Variants in PARG observed in about 807,000 individuals in gnomAD.
PARG encodes the protein poly(ADP-ribose) glycohydrolase.
Under a neutral mutation model 113.0 loss-of-function variants are expected in PARG, and 35 were observed. The observed-to-expected ratio is 0.31, with a 90% CI of 0.24 to 0.41. PARG has a LOEUF of 0.41. Ranked by LOEUF, PARG falls within the 10% of genes least tolerant of loss-of-function variation. PARG has a pLI of 1.00. For missense variants in PARG, 797 were observed against 1,169.4 expected (o/e 0.68, Z 4.64); for synonymous variants, 330 against 409.9 (o/e 0.81, Z 2.36).
At chr10:49,822,402 A>G (rs1298712312) in intron 16 of PARG, among the ~76,000 whole-genome samples, 1 of 152,192 alleles carries the variant, frequency 6.6e-6, no homozygotes, top group East Asian at 1.9e-4. Flanking sequence ...GCTTAATGCT[A>G]TAGTTTGGAC....
chr10:49,869,621 C>A, intron 9 of PARG, 66 bp from the exon 10 acceptor site: 1 of 682,454 alleles, frequency 1.5e-6, no homozygotes, highest in Non-Finnish European at 2.7e-6. Context: ...CACAAAACTA[C>A]ATCCATATTG....
chr10:49,902,704 A>G (rs1446812030), intron 7 of PARG, among the ~76,000 whole-genome samples: 2 of 152,172 alleles, frequency 1.3e-5, no homozygotes, highest in Non-Finnish European at 2.9e-5. Context: ...CACAACAACT[A>G]TAAAGCCTGG....
chr10:49,878,574 C>T (rs1294267849), intron 9 of PARG, among the ~76,000 whole-genome samples: 15 of 140,652 alleles, frequency 1.1e-4, no homozygotes, highest in Admixed American at 2.1e-4. Context: ...GCCAAGATTG[C>T]ACCACTGCAC....
chr10:49,924,885 AC>A, intron 4 of PARG, among the ~76,000 whole-genome samples: 1 of 150,958 alleles, frequency 6.6e-6, no homozygotes, highest in Non-Finnish European at 1.5e-5. Context: ...AGGGTCCCCA[AC>A]CCCCCGGAAT....
At chr10:49,820,671 C>T (rs796217309) in intron 16 of PARG, among the ~76,000 whole-genome samples, 10 of 148,888 alleles carry the variant, frequency 6.7e-5, no homozygotes, top group African/African-American at 2.2e-4. Context: ...GCAGGTGAGC[C>T]GAGATCGCAC....
rs529691629 is a variant in PARG, at chr10:49,843,485, G to C, written c.2432+69C>G. The C allele has an allele frequency of 1.3e-5, 11 of 873,354 alleles. No individual in the cohort carries two copies. In the South Asian group the frequency reaches 1.3e-4, roughly 10 times the overall value. The allele number at this position is 873,354 out of a possible 1,614,324, so 54.1% of individuals were successfully genotyped here. ...TGAAATACAAGTAGACAGAATGAGAGTGTGTGAGGGTCAAGCCCAAATTCC... is the reference window on the plus strand; with the variant it reads ...TGAAATACAAGTAGACAGAATGAGACTGTGTGAGGGTCAAGCCCAAATTCC... On this transcript the variant is annotated intron_variant, in intron 14 of 17. Coordinates refer to ENST00000616448, the MANE Select transcript of PARG (RefSeq NM_003631.5).
chr10:49,826,181 T>A (rs1844351352), intron 16 of PARG, among the ~76,000 whole-genome samples: 1 of 152,148 alleles, frequency 6.6e-6, no homozygotes, highest in Non-Finnish European at 1.5e-5. Context: ...CCAGACCCCA[T>A]TCTCAGCACT....
chr10:49,886,310 G>A (rs1411312119), intron 7 of PARG, among the ~76,000 whole-genome samples: 2 of 152,210 alleles, frequency 1.3e-5, no homozygotes, highest in African/African-American at 4.8e-5. Context: ...GAACTAAACT[G>A]AAATAAAGGT....
At chr10:49,821,372 C>T (rs1554828589) in intron 16 of PARG, among the ~76,000 whole-genome samples, 2 of 152,004 alleles carry the variant, frequency 1.3e-5, no homozygotes, top group Non-Finnish European at 2.9e-5. Context: ...CAAATTAAAA[C>T]ATTAAAGAGG....
intron 1 of PARG, among the ~76,000 whole-genome samples, chr10:49,936,999 T>C (rs1484292865): frequency 1.3e-5 from 2 of 152,216 alleles, no homozygotes; most frequent in African/African-American, 4.8e-5. Flanking sequence ...TGATTTCTTA[T>C]TGTTAAACAC....
Position 49,864,195 on chromosome 10 carries a change from G to A in PARG, c.2129+1126C>T, listed in dbSNP as rs572508157. 5.3e-5 allele frequency among the ~76,000 whole-genome samples: 8 copies of A among 152,190 alleles called. No individual in the cohort carries two copies. In the South Asian group the frequency reaches 1.7e-3, roughly 32 times the overall value. ...TGATCAAGAGTTTTAGCAGGCGGCC[G>A]GGGTTCCTTTCAGATCTAACATGCC... On this transcript the variant is annotated intron_variant, in intron 11 of 17. Transcript: ENST00000616448.
intron 7 of PARG, among the ~76,000 whole-genome samples, chr10:49,896,965 G>A (rs1848117582): frequency 1.3e-5 from 2 of 152,146 alleles, no homozygotes; most frequent in South Asian, 4.1e-4. Flanking sequence ...ATTTTACTAG[G>A]TATTAATCCT....
chr10:49,840,669 G>T (rs1486097365), intron 15 of PARG, among the ~76,000 whole-genome samples: 1 of 151,852 alleles, frequency 6.6e-6, no homozygotes, highest in Admixed American at 6.6e-5. Flanking sequence ...TTATACATAC[G>T]AGAACATGTT....
At chr10:49,843,199 A>G (rs1447293901) in intron 14 of PARG, among the ~76,000 whole-genome samples, 8 of 152,240 alleles carry the variant, frequency 5.3e-5, no homozygotes, top group African/African-American at 1.9e-4. Context: ...AGATAACTTA[A>G]TAAGTTGGTC....
chr10:49,895,494 C>T (rs529832906), intron 7 of PARG, among the ~76,000 whole-genome samples: 3 of 152,016 alleles, frequency 2.0e-5, no homozygotes, highest in African/African-American at 4.8e-5. Flanking sequence ...ACCTCCGCCT[C>T]CTGGGTTCAA....
chr10:49,830,119 G>A (rs1261007261), intron 16 of PARG, among the ~76,000 whole-genome samples: 2 of 152,012 alleles, frequency 1.3e-5, no homozygotes, highest in Non-Finnish European at 2.9e-5. Context: ...ACCAGAGCAA[G>A]CACAGCTGCA....
At chr10:49,850,469 T>C (rs1252876724) in intron 13 of PARG, among the ~76,000 whole-genome samples, 3 of 152,230 alleles carry the variant, frequency 2.0e-5, no homozygotes, top group African/African-American at 7.2e-5. Context: ...AGAAATAATT[T>C]TTTTAAGGGG....
chr10:49,862,131 G>C (rs34772459), intron 11 of PARG, among the ~76,000 whole-genome samples: 69,240 of 146,556 alleles, frequency 0.47, 16,705 homozygotes, highest in African/African-American at 0.57. Flanking sequence ...AAATACCTGC[G>C]ACAGAAATTC....
chr10:49,824,164 A>ATAGC (rs1554829111), intron 16 of PARG, among the ~76,000 whole-genome samples: 1 of 152,214 alleles, frequency 6.6e-6, no homozygotes, highest in Non-Finnish European at 1.5e-5. Context: ...CCTCCATTGA[A>ATAGC]TGCTAGACTA....
Sources: gnomAD v4.1 joint callset for allele counts (sites outside exome capture counted in the v4.1 genomes callset) on GRCh38, gnomAD v4.1.1 for gene constraint, MANE v1.5 for transcripts, NCBI Gene and HGNC (gene_info 2026-07-23, HGNC 2026-07-21) for gene names.